ZFHX4: variants seen among roughly 807,000 people sequenced by gnomAD.
The protein encoded by ZFHX4 is zinc finger homeobox 4.
Under a neutral mutation model 267.6 loss-of-function variants are expected in ZFHX4, and 56 were observed. That is an observed-to-expected ratio of 0.21 (90% CI 0.17 to 0.26). ZFHX4 has a LOEUF of 0.26. Among genes scored for constraint, ZFHX4 ranks in the 10% least tolerant of loss-of-function variants. ZFHX4 has a pLI of 1.00. For synonymous variants in ZFHX4, 1,778 were observed against 1,665.6 expected (o/e 1.07, Z -1.64); for missense variants, 4,332 against 4,420.0 (o/e 0.98, Z 0.56).
chr8:76,697,623 T>G (rs1807992930), intron 1 of ZFHX4, among the ~76,000 whole-genome samples: 1 of 152,024 alleles, frequency 6.6e-6, no homozygotes, highest in African/African-American at 2.4e-5. Flanking sequence ...GCAGTGTAAT[T>G]TACTTGAACT....
intron 3 of ZFHX4, among the ~76,000 whole-genome samples, chr8:76,709,782 C>G (rs1158237263): frequency 7.3e-6 from 1 of 136,434 alleles, no homozygotes; most frequent in African/African-American, 2.8e-5. Context: ...TGTATGTGTG[C>G]GTGTGTGTGC....
chr8:76,854,526 G>A lies in ZFHX4; in HGVS notation c.7605G>A (p.Met2535Ile), dbSNP rs750942402. 1.9e-6 allele frequency: 3 copies of A among 1,613,636 alleles called. No individual in the cohort carries two copies. Among genetic ancestry groups the A allele is most frequent in the African/African-American group, 2.7e-5 (2 of 74,824 alleles). Residue 2535 changes from methionine to isoleucine, a missense_variant, in exon 10 of 11, where the codon ATG becomes ATA. Transcript: ENST00000651372. Reference sequence around the variant, plus strand: ...CGTTCTTGGAAAGGCCCATGGACATGCCCTACATGATATTTGACCCCAACA... The same window carrying A: ...CGTTCTTGGAAAGGCCCATGGACATACCCTACATGATATTTGACCCCAACA... ...HSPFLERPMD[M>I]PYMIFDPNNP... is the part of the protein sequence containing the mutation.
In ZFHX4 at chr8:76,864,612, TAA is replaced by T. The variant is rs3830275; in HGVS notation, c.*56_*57del. ...CTTAAAAAAATAAAAAATAAAAAAATAAAAAAAAAATAAGACTTTAACTGCAG... is the reference window on the plus strand; with the variant it reads ...CTTAAAAAAATAAAAAATAAAAAAATAAAAAAAATAAGACTTTAACTGCAG... On this transcript the variant is annotated 3_prime_UTR_variant, in exon 11 of 11. Coordinates refer to ENST00000651372, the MANE Select transcript of ZFHX4 (RefSeq NM_024721.5). 1.0e-4 allele frequency: 125 copies of T among 1,224,780 alleles called. No individual in the cohort carries two copies. The highest frequency in any genetic ancestry group is 1.2e-4 in the Non-Finnish European group (110 of 921,868). 75.9% of individuals were successfully genotyped at this position (1,224,780 alleles called of 1,614,324 possible).
At chr8:76,843,194 C>T (rs1012806441) in intron 6 of ZFHX4, among the ~76,000 whole-genome samples, 1 of 152,172 alleles carries the variant, frequency 6.6e-6, no homozygotes, top group Admixed American at 6.5e-5. Context: ...TGTATTCGCC[C>T]GCCAAACCAC....
rs767563060 is a variant in ZFHX4 at position 76,704,701 on chromosome 8, T to C, written c.613T>C (p.Phe205Leu). ...TATCGCTTCATCCCTCGGGAAACCA[T>C]TTACAGCCGATCAGGCTTTCCCAAA... is the stretch of plus-strand genomic sequence containing the variant. ...FHIASSLGKP[F>L]TADQAFPNTS... Residue 205 changes from phenylalanine to leucine, a missense_variant, in exon 2 of 11, where the codon TTT (phenylalanine) becomes CTT (leucine). Phe to Leu is a conservative substitution (Grantham distance 22). Transcript: ENST00000651372. 6.2e-7 allele frequency: 1 copy of C among 1,614,012 alleles called. No individual in the cohort carries two copies. Among genetic ancestry groups the C allele is most frequent in the Non-Finnish European group, 8.5e-7 (1 of 1,179,898 alleles).
At chr8:76,814,524 C>T (rs963428742) in intron 4 of ZFHX4, among the ~76,000 whole-genome samples, 6 of 152,122 alleles carry the variant, frequency 3.9e-5, no homozygotes, top group Non-Finnish European at 7.4e-5. Flanking sequence ...CGAAGAAGGT[C>T]TATAACTCCC....
intron 4 of ZFHX4, 84 bp downstream of exon 4, chr8:76,778,523 ACGC>A: frequency 7.3e-6 from 8 of 1,099,330 alleles, no homozygotes; most frequent in African/African-American, 1.5e-5. Context: ...ACACACACAC[ACGC>A]CTCAAACTCT....
At chr8:76,691,792 G>C (rs1807831127) in intron 1 of ZFHX4, among the ~76,000 whole-genome samples, 1 of 152,076 alleles carries the variant, frequency 6.6e-6, no homozygotes, top group South Asian at 2.1e-4. Context: ...ATAAGTGATT[G>C]TGGGCAGGAC....
At chr8:76,762,983 T>C (rs1444117172) in intron 3 of ZFHX4, among the ~76,000 whole-genome samples, 1 of 152,256 alleles carries the variant, frequency 6.6e-6, no homozygotes, top group East Asian at 1.9e-4. Flanking sequence ...CTTTACTGCT[T>C]TGAGGTGCTG....
At chr8:76,752,505 A>G (rs1226201051) in intron 3 of ZFHX4, among the ~76,000 whole-genome samples, 113 of 149,220 alleles carry the variant, frequency 7.6e-4, no homozygotes, top group Non-Finnish European at 1.2e-3. Flanking sequence ...AAAAAAAAAA[A>G]AAAAGAAAAA....
intron 3 of ZFHX4, among the ~76,000 whole-genome samples, chr8:76,764,757 A>G (rs908872350): frequency 1.3e-5 from 2 of 152,126 alleles, no homozygotes; most frequent in Non-Finnish European, 2.9e-5. Flanking sequence ...TCACGTTGCC[A>G]TTCTTTGTTT....
rs1465344997 is a variant in ZFHX4 at position 76,854,571 on chromosome 8, A to T, written c.7650A>T (p.Gln2550His). ...CCAACAATCCGCTGATGACTGGACAACTGCTGGGCAGTTCCCTCACTCAAA... is the reference window on the plus strand; with the variant it reads ...CCAACAATCCGCTGATGACTGGACATCTGCTGGGCAGTTCCCTCACTCAAA... ...FDPNNPLMTG[Q>H]LLGSSLTQMP... Residue 2550 changes from glutamine (Q) to histidine (H), a missense_variant, in exon 10 of 11, where the codon CAA (glutamine) becomes CAT (histidine). This residue lies in a region of ZFHX4 where 1,648 missense variants were observed against 1,625.0 expected (regional missense o/e 1.01). Coordinates refer to ENST00000651372, the MANE Select transcript of ZFHX4 (RefSeq NM_024721.5). 3.1e-6 allele frequency: 5 copies of T among 1,613,672 alleles called. No homozygotes were observed. The highest frequency in any genetic ancestry group is 1.3e-5 in the African/African-American group (1 of 74,896).
intron 4 of ZFHX4, among the ~76,000 whole-genome samples, chr8:76,815,183 T>A (rs1811472426): frequency 6.6e-6 from 1 of 152,170 alleles, no homozygotes; most frequent in Non-Finnish European, 1.5e-5. Context: ...ATGAACATAC[T>A]TTGAAAAGTA....
chr8:76,762,794 A>G (rs982218031), intron 3 of ZFHX4, among the ~76,000 whole-genome samples: 3 of 152,166 alleles, frequency 2.0e-5, no homozygotes, highest in African/African-American at 7.2e-5. Flanking sequence ...TAATCATCGT[A>G]TTGACTCTCT....
chr8:76,755,989 G>A (rs1039395220), intron 3 of ZFHX4, among the ~76,000 whole-genome samples: 1 of 152,146 alleles, frequency 6.6e-6, no homozygotes, highest in Admixed American at 6.5e-5. Context: ...TTGCTTCGTA[G>A]GAGTTCCATG....
intron 3 of ZFHX4, among the ~76,000 whole-genome samples, chr8:76,723,597 C>T (rs1808779416): frequency 1.3e-5 from 2 of 149,946 alleles, no homozygotes; most frequent in South Asian, 4.2e-4. Context: ...TTCATGTATT[C>T]ATTCATTGAG....
At chr8:76,753,272 A>G (rs978496503) in intron 3 of ZFHX4, among the ~76,000 whole-genome samples, 1 of 152,144 alleles carries the variant, frequency 6.6e-6, no homozygotes, top group East Asian at 1.9e-4. Flanking sequence ...CCCTACCTAT[A>G]TGGATAAATG....
intron 3 of ZFHX4, among the ~76,000 whole-genome samples, chr8:76,727,989 G>A (rs1808898291): frequency 3.3e-5 from 5 of 152,128 alleles, no homozygotes; most frequent in Admixed American, 3.3e-4. Context: ...TTAACCCTTT[G>A]GGGGACTTGA....
Position 76,863,628 on chromosome 8 carries a change from A to G in ZFHX4, c.9914A>G (p.Gln3305Arg), listed in dbSNP as rs1454345584. ...SLFPYGPTMP[Q>R]TLAGLSPGAL... ...TTTCCTTATGGCCCTACAATGCCCCAGACACTGGCAGGTCTGTCCCCAGGT... is the reference window on the plus strand; with the variant it reads ...TTTCCTTATGGCCCTACAATGCCCCGGACACTGGCAGGTCTGTCCCCAGGT... Residue 3305 changes from glutamine to arginine, a missense_variant, in exon 11 of 11, where the codon CAG (glutamine) becomes CGG (arginine). Physicochemically the swap from Gln to Arg is conservative, Grantham distance 43. This residue lies in a region of ZFHX4 where 1,648 missense variants were observed against 1,625.0 expected (regional missense o/e 1.01). Transcript: ENST00000651372. 6.2e-7 allele frequency: 1 copy of G among 1,613,194 alleles called. No individual in the cohort carries two copies. The highest frequency in any genetic ancestry group is 8.5e-7 in the Non-Finnish European group (1 of 1,179,620).
Sources: gnomAD v4.1 joint callset for allele counts (sites outside exome capture counted in the v4.1 genomes callset) on GRCh38, gnomAD v4.1.1 for gene constraint, gnomAD v4.1.1 regional missense constraint, MANE v1.5 for transcripts, NCBI Gene and HGNC (gene_info 2026-07-23, HGNC 2026-07-21) for gene names.